Variants in ZNF493 observed in about 807,000 individuals in gnomAD.
ZNF493 encodes the protein zinc finger protein 493.
A neutral mutation model predicts 12.2 loss-of-function variants in ZNF493; 11 were observed. The ratio of observed to expected loss-of-function variants is 0.90; its 90% CI spans 0.57 to 1.50. ZNF493 has a LOEUF of 1.50. Ranked by LOEUF, ZNF493 falls within the 40% of genes most tolerant of loss-of-function variation. The probability of loss-of-function intolerance (pLI) is 0.00; values close to 1 mark genes in which losing one functional copy is unlikely to be tolerated. For missense variants in ZNF493, 950 were observed against 906.6 expected (o/e 1.05, Z -0.61); for synonymous variants, 286 against 302.6 (o/e 0.95, Z 0.57).
intron 3 of ZNF493, among the ~76,000 whole-genome samples, chr19:21,419,613 A>G (rs917739751): frequency 2.0e-5 from 3 of 152,184 alleles, no homozygotes; most frequent in African/African-American, 7.2e-5. Context: ...GCAGCTGACT[A>G]GATGGTGCCC....
chr19:21,425,325 A>T lies in ZNF493; in HGVS notation c.*341A>T. The T allele has an allele frequency of 2.4e-6, 1 of 423,404 alleles. No homozygotes were observed. The highest frequency in any genetic ancestry group is 4.6e-6 in the Non-Finnish European group (1 of 217,394). 26.2% of individuals were successfully genotyped at this position (423,404 alleles called of 1,614,324 possible). A position where few individuals can be genotyped will look rare whatever the true frequency, so the allele number is the denominator to read the frequency against. ...CCACTTCTCAACCCTGCCTACACGTAAGATAATTCATACTGGAAGGAAACC... is the reference window on the plus strand; with the variant it reads ...CCACTTCTCAACCCTGCCTACACGTTAGATAATTCATACTGGAAGGAAACC... On this transcript the variant is annotated 3_prime_UTR_variant, in exon 4 of 4. Coordinates refer to ENST00000392288, the MANE Select transcript of ZNF493 (RefSeq NM_001076678.3).
rs910502094 is a variant in ZNF493, at chr19:21,424,767, A to G, written c.2108A>G (p.His703Arg). The G allele has an allele frequency of 6.2e-6, 10 of 1,613,228 alleles. No homozygotes were observed. Among genetic ancestry groups the G allele is most frequent in the South Asian group, 1.1e-5 (1 of 90,994 alleles). Reference sequence around the variant, plus strand: ...TACCGATTCTCAAACCTTAATACGCATAAGATAATTCATACTGGAGAGAAA... The same window carrying G: ...TACCGATTCTCAAACCTTAATACGCGTAAGATAATTCATACTGGAGAGAAA... ...TFYRFSNLNTHKIIHTGEKPC... is the reference protein window; with the variant it reads ...TFYRFSNLNTRKIIHTGEKPC... Residue 703 changes from histidine to arginine, a missense_variant, in exon 4 of 4, where the codon CAT becomes CGT. Transcript: ENST00000392288.
intron 3 of ZNF493, among the ~76,000 whole-genome samples, chr19:21,414,988 T>G (rs1030799627): frequency 5.9e-5 from 9 of 152,200 alleles, no homozygotes; most frequent in African/African-American, 1.9e-4. Context: ...TATTTGTACC[T>G]TCGTGAGAGA....
chr19:21,400,193 C>A (rs560946319), intron 1 of ZNF493, among the ~76,000 whole-genome samples: 26 of 152,280 alleles, frequency 1.7e-4, no homozygotes, highest in Admixed American at 1.3e-3. Context: ...GAGTAGATCA[C>A]AAGGTCAAGA....
chr19:21,406,331 C>G (rs1307289002), intron 3 of ZNF493, among the ~76,000 whole-genome samples: 1 of 151,878 alleles, frequency 6.6e-6, no homozygotes, highest in Non-Finnish European at 1.5e-5. Context: ...TCTCGGAAGC[C>G]TTTGGCATTT....
At chr19:21,409,516 G>A (rs1203595103) in intron 3 of ZNF493, among the ~76,000 whole-genome samples, 1 of 151,414 alleles carries the variant, frequency 6.6e-6, no homozygotes, top group Non-Finnish European at 1.5e-5. Context: ...GTCCAAAACA[G>A]GAAGATCACT....
chr19:21,421,981 G>A (rs1189167844), intron 3 of ZNF493, among the ~76,000 whole-genome samples: 2 of 152,098 alleles, frequency 1.3e-5, no homozygotes, highest in Non-Finnish European at 2.9e-5. Flanking sequence ...GAATAGCTAG[G>A]ACTACAGATA....
intron 1 of ZNF493, among the ~76,000 whole-genome samples, chr19:21,403,714 G>A (rs1036780410): frequency 2.0e-5 from 3 of 152,134 alleles, no homozygotes; most frequent in East Asian, 1.9e-4. Context: ...CTGCCTCCTG[G>A]ATTGCCATGC....
intron 3 of ZNF493, among the ~76,000 whole-genome samples, chr19:21,415,202 T>C (rs1343285052): frequency 6.6e-6 from 1 of 151,988 alleles, no homozygotes; most frequent in East Asian, 1.9e-4. Flanking sequence ...AAATCTAGAG[T>C]CTTCTCTGGG....
rs755176398 is a variant in ZNF493 at position 21,423,068 on chromosome 19, G to T, written c.409G>T (p.Glu137Ter). The T allele has an allele frequency of 8.7e-6, 14 of 1,613,462 alleles. No individual in the cohort carries two copies. The highest frequency in any genetic ancestry group is 1.2e-5 in the Non-Finnish European group (14 of 1,179,754). The change falls in exon 4 of 4, where the codon GAA becomes TAA. Residue 137 changes from glutamate (E) to a stop codon, truncating the protein, a stop_gained. Coordinates refer to ENST00000392288, the MANE Select transcript of ZNF493 (RefSeq NM_001076678.3). LOFTEE classifies it low-confidence loss of function (END_TRUNC). ...TATGAATGAGTGTAATGTGCACAAA[G>T]AAGGTTATAATGAACTAAACCAGTA... ...KSMNECNVHK[E>*]GYNELNQYLT...
Position 21,402,088 on chromosome 19 carries a change from C to A in ZNF493, c.31-3041C>A, listed in dbSNP as rs1439896044. Among the ~76,000 whole-genome samples, 10 of 152,132 alleles carry A rather than the reference C, an allele frequency of 6.6e-5. 1 individual carries two copies. Among genetic ancestry groups the A allele is most frequent in the Admixed American group, 5.9e-4 (9 of 15,278 alleles). On this transcript the variant is annotated intron_variant, in intron 1 of 3. Coordinates refer to ENST00000392288, the MANE Select transcript of ZNF493 (RefSeq NM_001076678.3). The stretch of plus-strand genomic sequence containing the variant: ...GTTCATGCCATTCTCCTGCCTCAGC[C>A]TCCCGAGTAGCTGGGACTACAGGCA...
chr19:21,397,364 G>A, intron 1 of ZNF493, 97 bp downstream of exon 1: 1 of 1,422,162 alleles, frequency 7.0e-7, no homozygotes, highest in Non-Finnish European at 1.0e-6. Context: ...CCCGCAGTCA[G>A]CTCCACAATC....
At chr19:21,419,578 C>T (rs2030593684) in intron 3 of ZNF493, among the ~76,000 whole-genome samples, 1 of 152,064 alleles carries the variant, frequency 6.6e-6, no homozygotes, top group Non-Finnish European at 1.5e-5. Context: ...ATTTTCCTGC[C>T]TGCTTTTGTA....
chr19:21,416,843 ACC>A (rs1278797832), intron 3 of ZNF493, among the ~76,000 whole-genome samples: 1 of 152,036 alleles, frequency 6.6e-6, no homozygotes, highest in Non-Finnish European at 1.5e-5. Context: ...ATATATTTGT[ACC>A]CCTTTTAAAC....
intron 1 of ZNF493, among the ~76,000 whole-genome samples, chr19:21,401,321 A>G (rs2029936440): frequency 2.0e-5 from 3 of 152,210 alleles, no homozygotes; most frequent in Admixed American, 2.0e-4. Flanking sequence ...GTAGTGGATT[A>G]GCTTTTTGAT....
At position 21,423,119 on chromosome 19, in the gene ZNF493, T is replaced by G. The variant is rs749025004; in HGVS notation, c.460T>G (p.Phe154Val). The G allele has an allele frequency of 2.5e-6, 4 of 1,613,596 alleles. No homozygotes were observed. Among genetic ancestry groups the G allele is most frequent in the Non-Finnish European group, 3.4e-6 (4 of 1,179,754 alleles). The change falls in exon 4 of 4, where the codon TTT becomes GTT. Residue 154 changes from phenylalanine (F) to valine (V), a missense_variant. By Grantham distance (50) the Phe-to-Val change is conservative (BLOSUM62 -1). Transcript: ENST00000392288. ...QYLTTTQSKI[F>V]QCDKYVKVFH... ...TTTGACAACTACCCAGAGCAAAATA[T>G]TTCAATGTGATAAATATGTGAAAGT...
At chr19:21,415,370 A>G (rs189801570) in intron 3 of ZNF493, among the ~76,000 whole-genome samples, 69 of 152,252 alleles carry the variant, frequency 4.5e-4, no homozygotes, top group African/African-American at 1.6e-3. Context: ...CCTAGAGCAG[A>G]TTGTATCCAA....
intron 3 of ZNF493, chr19:21,408,882 T>G: frequency 2.3e-6 from 1 of 429,270 alleles, no homozygotes; most frequent in Non-Finnish European, 3.0e-6. Context: ...TCTTTCTTTC[T>G]TTTTTTTTTT....
chr19:21,404,631 A>C (rs776883463), intron 1 of ZNF493, among the ~76,000 whole-genome samples: 26 of 152,214 alleles, frequency 1.7e-4, no homozygotes, highest in Non-Finnish European at 3.8e-4. Context: ...GATATTGACA[A>C]AATATTCTTT....
Sources: allele counts gnomAD v4.1 joint callset (sites outside exome capture counted in the v4.1 genomes callset), GRCh38; gene constraint gnomAD v4.1.1; transcripts MANE v1.5; gene names NCBI Gene and HGNC (gene_info 2026-07-23, HGNC 2026-07-21).